The following DHX9 variants were observed in gnomAD, a reference collection of about 807,000 sequenced individuals.
The protein encoded by DHX9 is DExH-box helicase 9, also known as ATP-dependent RNA helicase A.
Under a neutral mutation model 148.7 loss-of-function variants are expected in DHX9, and 27 were observed. The observed-to-expected ratio is 0.18, with a 90% confidence interval of 0.13 to 0.25. The LOEUF (loss-of-function observed/expected upper bound fraction) is 0.25. DHX9 is among the 10% of genes least tolerant of loss of function. The pLI, the probability that DHX9 is intolerant of heterozygous loss-of-function variation, is 1.00. For missense variants in DHX9, 796 were observed against 1,559.6 expected (o/e 0.51, Z 8.25); for synonymous variants, 529 against 516.6 (o/e 1.02, Z -0.33).
At chr1:182,845,686 C>T (rs1387238260) in intron 3 of DHX9, among the ~76,000 whole-genome samples, 4 of 152,174 alleles carry the variant, frequency 2.6e-5, no homozygotes, top group Non-Finnish European at 4.4e-5. Context: ...CAAGTCTGGG[C>T]CTCTAGAACT....
rs990626012 is a variant in DHX9 at position 182,839,347 on chromosome 1, G to C, written c.-132G>C. On this transcript the variant is annotated 5_prime_UTR_variant, in exon 1 of 28. Transcript: ENST00000367549. ...CCCGCCCCCTAGCGCCGCGGTCGGA[G>C]CCATTTCGCCGATTCCTCCATGCGA... 6.6e-6 allele frequency: 1 copy of C among 152,312 alleles called. No individual in the cohort carries two copies. Among genetic ancestry groups the C allele is most frequent in the Non-Finnish European group, 1.5e-5 (1 of 68,126 alleles). 9.4% of individuals were successfully genotyped at this position (152,312 alleles called of 1,614,324 possible).
chr1:182,861,872 CTA>C (rs1668369558), intron 12 of DHX9, among the ~76,000 whole-genome samples: 1 of 152,102 alleles, frequency 6.6e-6, no homozygotes, highest in African/African-American at 2.4e-5. Context: ...TTTTAAAAAC[CTA>C]TATTGTGTCC....
intron 14 of DHX9, among the ~76,000 whole-genome samples, chr1:182,871,438 A>G (rs934075891): frequency 6.6e-6 from 1 of 152,216 alleles, no homozygotes; most frequent in Non-Finnish European, 1.5e-5. Flanking sequence ...TATATAAATA[A>G]TGGTACCACT....
chr1:182,848,055 A>C, intron 3 of DHX9, among the ~76,000 whole-genome samples: 1 of 152,132 alleles, frequency 6.6e-6, no homozygotes, highest in East Asian at 1.9e-4. Flanking sequence ...TGTTCCAGCT[A>C]CAGTAGCTGT....
At chr1:182,864,712 CATG>C (rs1394534054) in intron 12 of DHX9, among the ~76,000 whole-genome samples, 2 of 152,150 alleles carry the variant, frequency 1.3e-5, no homozygotes, top group African/African-American at 2.4e-5. Flanking sequence ...AAATAGTTGT[CATG>C]ATATTAATGT....
chr1:182,857,296 T>C (rs1668271166), intron 7 of DHX9, among the ~76,000 whole-genome samples: 2 of 152,224 alleles, frequency 1.3e-5, no homozygotes, highest in African/African-American at 2.4e-5. Flanking sequence ...GATACCTTTG[T>C]ACCCCTTTGC....
At position 182,887,697 on chromosome 1, in the gene DHX9, G is replaced by C. The variant is rs1226615367; in HGVS notation, c.*263G>C. The C allele has an allele frequency of 2.6e-6, 1 of 380,380 alleles. No individual in the cohort carries two copies. Among genetic ancestry groups the C allele is most frequent in the Non-Finnish European group, 4.8e-6 (1 of 209,358 alleles). 23.6% of individuals were successfully genotyped at this position (380,380 alleles called of 1,614,324 possible). On this transcript the variant is annotated 3_prime_UTR_variant, in exon 28 of 28. Coordinates refer to ENST00000367549, the MANE Select transcript of DHX9 (RefSeq NM_001357.5). ...GTAAAGATTTGCCTTTAAATAACTT[G>C]GTATTTTCCTGGCTTTCGTTTAATA...
At chr1:182,853,934 A>G in intron 5 of DHX9, 96 bp from the exon 6 acceptor site, 1 of 1,138,888 alleles carries the variant, frequency 8.8e-7, no homozygotes, top group Non-Finnish European at 1.2e-6. Flanking sequence ...CTTTTGCATT[A>G]TAAAGGATAG....
chr1:182,843,458 T>TA, intron 3 of DHX9, 24 bp downstream of exon 3: 2 of 1,550,424 alleles, frequency 1.3e-6, no homozygotes, highest in Non-Finnish European at 1.7e-6. Context: ...GCGAAGCACT[T>TA]GAGATGTATG....
chr1:182,859,893 C>T (rs552602949), intron 11 of DHX9, 100 bp from the exon 12 acceptor site: 94 of 1,197,308 alleles, frequency 7.9e-5, no homozygotes, highest in South Asian at 3.8e-4. Context: ...CGTGAGCCAC[C>T]GCGCCCAGTC....
chr1:182,880,712 C>G (rs1286606515), intron 22 of DHX9, 104 bp downstream of exon 22: 1 of 707,860 alleles, frequency 1.4e-6, no homozygotes, highest in Non-Finnish European at 2.4e-6. Flanking sequence ...AAAAAAAATC[C>G]TAAATGTTCT....
At chr1:182,848,596 G>A (rs895264974) in intron 3 of DHX9, among the ~76,000 whole-genome samples, 2 of 152,128 alleles carry the variant, frequency 1.3e-5, no homozygotes, top group Admixed American at 1.3e-4. Flanking sequence ...CTGAGTAAAT[G>A]AATGGATGAA....
At chr1:182,865,307 G>C (rs1000118325) in intron 12 of DHX9, among the ~76,000 whole-genome samples, 1 of 152,174 alleles carries the variant, frequency 6.6e-6, no homozygotes, top group African/African-American at 2.4e-5. Context: ...CTGAGGTGCA[G>C]AGCACTGTGT....
At chr1:182,886,733 T>C (rs1649348717) in intron 27 of DHX9, among the ~76,000 whole-genome samples, 2 of 152,226 alleles carry the variant, frequency 1.3e-5, no homozygotes, top group African/African-American at 4.8e-5. Flanking sequence ...GGAAAACATC[T>C]GGTGATAAAG....
intron 10 of DHX9, 36 bp from the exon 11 acceptor site, chr1:182,859,004 G>T (rs1402971303): frequency 1.2e-6 from 2 of 1,612,204 alleles, no homozygotes. Flanking sequence ...TGAATTATGT[G>T]CTTTTGTTTG....
rs777628601 is a variant in DHX9 at position 182,853,422 on chromosome 1, A to T, written c.477+4A>T. 6.2e-7 allele frequency: 1 copy of T among 1,605,296 alleles called. No homozygotes were observed. The highest frequency in any genetic ancestry group is 1.3e-5 in the African/African-American group (1 of 74,622). On this transcript the variant is annotated splice_donor_region_variant and intron_variant, in intron 5 of 27. Transcript: ENST00000367549. ...GGAAGAACAAGAAGTGCAAGCGGTAAGGCCAGCACCGTAGGTTACATCTCT... is the reference window on the plus strand; with the variant it reads ...GGAAGAACAAGAAGTGCAAGCGGTATGGCCAGCACCGTAGGTTACATCTCT...
chr1:182,844,338 T>G (rs1667987323), intron 3 of DHX9, among the ~76,000 whole-genome samples: 1 of 152,204 alleles, frequency 6.6e-6, no homozygotes, highest in Non-Finnish European at 1.5e-5. Context: ...TTATATTACG[T>G]AAGTATGCAA....
intron 3 of DHX9, among the ~76,000 whole-genome samples, chr1:182,850,472 G>A (rs376817152): frequency 1.3e-5 from 2 of 151,828 alleles, no homozygotes; most frequent in East Asian, 1.9e-4. Context: ...GTGGCTGCCC[G>A]TAGTCCCATC....
chr1:182,863,544 C>G (rs1648096270), intron 12 of DHX9, among the ~76,000 whole-genome samples: 1 of 151,906 alleles, frequency 6.6e-6, no homozygotes, highest in Admixed American at 6.6e-5. Flanking sequence ...CTTGTTTTAC[C>G]TATGAGCCTT....
Sources: allele counts gnomAD v4.1 joint callset (sites outside exome capture counted in the v4.1 genomes callset), GRCh38; gene constraint gnomAD v4.1.1; transcripts MANE v1.5; gene names NCBI Gene and HGNC (gene_info 2026-07-23, HGNC 2026-07-21).